The following HAS3 variants were observed in gnomAD, a reference collection of about 807,000 sequenced individuals.
HAS3 encodes the protein HA synthase 3.
In HAS3, 27 loss-of-function variants were observed where a neutral mutation model predicts 50.3. That is an observed-to-expected ratio of 0.54 (90% CI 0.40 to 0.74). HAS3 has a LOEUF of 0.74. Among genes scored for constraint, HAS3 ranks in the 30% least tolerant of loss-of-function variants. HAS3 has a pLI of 0.00. For missense variants in HAS3, 517 were observed against 742.8 expected, an observed-to-expected ratio of 0.70 and a Z score of 3.53; for synonymous variants, 339 against 310.9, an observed-to-expected ratio of 1.09 and a Z score of -0.95.
Position 69,116,027 on chromosome 16 carries a change from C to T in HAS3, c.*761C>T, listed in dbSNP as rs111294047. ...GTGTTCCACCTGGAAACTGCTCAGA[C>T]GTCTAGATGGGTTCTTAGCTTGTCT... On this transcript the variant is annotated 3_prime_UTR_variant, in exon 4 of 4. Coordinates refer to ENST00000569188, the MANE Select transcript of HAS3 (RefSeq NM_001199280.2). 3.0e-5 allele frequency: 30 copies of T among 985,292 alleles called. No homozygotes were observed. Among genetic ancestry groups the T allele is most frequent in the Admixed American group, 6.1e-5 (1 of 16,280 alleles). 61.0% of individuals were successfully genotyped at this position (985,292 alleles called of 1,614,324 possible). A position where few individuals can be genotyped will look rare whatever the true frequency, so the allele number is the denominator to read the frequency against.
rs1344557231 is a variant in HAS3, at chr16:69,116,247, CTCA to C, written c.*989_*991del. The C allele has an allele frequency of 1.0e-6, 1 of 985,510 alleles. No individual in the cohort carries two copies. The highest frequency in any genetic ancestry group is 1.1e-4 in the East Asian group (1 of 8,832). The allele number at this position is 985,510 out of a possible 1,614,324, so 61.0% of individuals were successfully genotyped here. A position where few individuals can be genotyped will look rare whatever the true frequency, so the allele number is the denominator to read the frequency against. The stretch of plus-strand genomic sequence containing the variant: ...TATCACTGCAGTCACCTCTTCTACC[CTCA>C]TCATCATAGGTAAGGTTTTCAAGGT... On this transcript the variant is annotated 3_prime_UTR_variant, in exon 4 of 4. Coordinates refer to ENST00000569188, the MANE Select transcript of HAS3 (RefSeq NM_001199280.2).
At chr16:69,087,527 C>T in the HAS3 span, among the ~76,000 whole-genome samples, 1 of 151,878 alleles carries the variant, frequency 6.6e-6, no homozygotes. Flanking sequence ...TCCCAATCTC[C>T]TCTTCCACGT....
Position 69,117,604 on chromosome 16 carries a change from CAA to C in HAS3, c.*2339_*2340del, listed in dbSNP as rs1961248299. ...TTTTTTTTTTTTTTAATTTTCAGGT[CAA>C]GTTTTTTATACTGCACTTATTTGTC... On this transcript the variant is annotated 3_prime_UTR_variant, in exon 4 of 4. Transcript: ENST00000569188. 2 of 829,516 alleles carry C rather than the reference CAA, an allele frequency of 2.4e-6. No homozygotes were observed. The highest frequency in any genetic ancestry group is 2.9e-6 in the Non-Finnish European group (2 of 693,460). 51.4% of individuals were successfully genotyped at this position (829,516 alleles called of 1,614,324 possible).
At chr16:69,095,335 C>T in the HAS3 span, among the ~76,000 whole-genome samples, 4 of 152,016 alleles carry the variant, frequency 2.6e-5, no homozygotes, top group Non-Finnish European at 5.9e-5. Context: ...AACACCGTGG[C>T]AGGCCTGGTG....
At chr16:69,092,802 C>T in the HAS3 span, among the ~76,000 whole-genome samples, 4 of 152,092 alleles carry the variant, frequency 2.6e-5, no homozygotes, top group Non-Finnish European at 5.9e-5. Flanking sequence ...TGAGGCCAGC[C>T]TGGGCAACAT....
the HAS3 span, among the ~76,000 whole-genome samples, chr16:69,092,143 G>A: frequency 9.9e-5 from 15 of 152,124 alleles, no homozygotes; most frequent in Non-Finnish European, 2.2e-4. Context: ...AGGCACACAC[G>A]AGGCTAATTG....
chr16:69,109,774 CAGG>C lies in HAS3; in HGVS notation c.384_386del (p.Glu128del). 6.2e-7 allele frequency: 1 copy of C among 1,611,898 alleles called. No individual in the cohort carries two copies. The highest frequency in any genetic ancestry group is 8.5e-7 in the Non-Finnish European group (1 of 1,180,008). ...GGTCATGGTGGTGGATGGCAACCGCCAGGAGGACGCCTACATGCTGGACATCTT... is the reference window on the plus strand; with the variant it reads ...GGTCATGGTGGTGGATGGCAACCGCCAGGACGCCTACATGCTGGACATCTT... On this transcript the variant is annotated inframe_deletion, in exon 2 of 4. Transcript: ENST00000569188. This position sits in a 1 kb window ranked among gnomAD's most constrained non-coding sequence, Gnocchi z 5.3.
At chr16:69,110,074 C>T (rs1186503722) in intron 2 of HAS3, 43 bp downstream of exon 2, 1 of 1,536,484 alleles carries the variant, frequency 6.5e-7, no homozygotes, top group South Asian at 1.2e-5. Flanking sequence ...GGGGATAAGT[C>T]TGGACAGCCT....
chr16:69,115,805 T>C lies in HAS3; in HGVS notation c.*539T>C. 1.0e-6 allele frequency: 1 copy of C among 985,968 alleles called. No individual in the cohort carries two copies. Among genetic ancestry groups the C allele is most frequent in the Non-Finnish European group, 1.2e-6 (1 of 830,156 alleles). The allele number at this position is 985,968 out of a possible 1,614,324, so 61.1% of individuals were successfully genotyped here. On this transcript the variant is annotated 3_prime_UTR_variant, in exon 4 of 4. Coordinates refer to ENST00000569188, the MANE Select transcript of HAS3 (RefSeq NM_001199280.2). ...GGCCCAGAAGCCTGATCTTTGGGCA[T>C]CAGAAAACAGGGTCCAGGAATGGTG... is the stretch of plus-strand genomic sequence containing the variant.
Position 69,115,689 on chromosome 16 carries a change from T to G in HAS3, c.*423T>G, listed in dbSNP as rs1159868652. On this transcript the variant is annotated 3_prime_UTR_variant, in exon 4 of 4. Coordinates refer to ENST00000569188, the MANE Select transcript of HAS3 (RefSeq NM_001199280.2). Reference sequence around the variant, plus strand: ...CACAACCAGAGGTGGCAGGAGAATTTCTACTGAGCGAGCTGGGCCGGTTAG... The same window carrying G: ...CACAACCAGAGGTGGCAGGAGAATTGCTACTGAGCGAGCTGGGCCGGTTAG... The G allele has an allele frequency of 1.2e-5, 12 of 992,612 alleles. No homozygotes were observed. The African/African-American group carries it at 2.1e-4, about 17-fold the overall frequency. The allele number at this position is 992,612 out of a possible 1,614,324, so 61.5% of individuals were successfully genotyped here. A position where few individuals can be genotyped will look rare whatever the true frequency, so the allele number is the denominator to read the frequency against.
downstream of HAS3, chr16:69,118,562 G>A (rs1232733755): frequency 2.5e-6 from 2 of 787,914 alleles, no homozygotes; most frequent in African/African-American, 3.4e-5. Flanking sequence ...CAAGAAACTA[G>A]TAAGAAACAA....
chr16:69,087,120 A>T, the HAS3 span, among the ~76,000 whole-genome samples: 1 of 151,388 alleles, frequency 6.6e-6, no homozygotes, highest in Non-Finnish European at 1.5e-5. Context: ...GTCCTCCACC[A>T]CCCAGCAGCC....
At chr16:69,104,494 C>T (rs1960735328), upstream of HAS3, among the ~76,000 whole-genome samples, 1 of 152,082 alleles carries the variant, frequency 6.6e-6, no homozygotes, top group Admixed American at 6.5e-5. Flanking sequence ...GATAGGGTTT[C>T]ACCATATTAG....
intron 1 of HAS3, among the ~76,000 whole-genome samples, chr16:69,108,228 CCA>C (rs1395683109): frequency 6.6e-6 from 1 of 152,092 alleles, no homozygotes; most frequent in Non-Finnish European, 1.5e-5. Flanking sequence ...CTGGAGGAAA[CCA>C]CAGTCACCCT....
the HAS3 span, among the ~76,000 whole-genome samples, chr16:69,087,924 C>G: frequency 1.3e-5 from 2 of 149,252 alleles, no homozygotes; most frequent in African/African-American, 5.0e-5. Flanking sequence ...GGCTGGTCTC[C>G]AACTCCTGAC....
chr16:69,100,816 G>A (rs1291319776), upstream of HAS3, among the ~76,000 whole-genome samples: 1 of 152,208 alleles, frequency 6.6e-6, no homozygotes. Flanking sequence ...CCTCCAACCT[G>A]CTAAAGCTTT....
the HAS3 span, among the ~76,000 whole-genome samples, chr16:69,097,404 G>T: frequency 6.7e-6 from 1 of 148,412 alleles, no homozygotes; most frequent in Admixed American, 6.7e-5. Context: ...CCAAGATCAG[G>T]CCATCGCACT....
In HAS3 at chr16:69,117,176, A is replaced by C; in HGVS notation, c.*1910A>C. ...GCCAAGAAGTTAAACTATTTTGAGC[A>C]TTAGAATGGAGGAAATCCGGTCAGC... is the stretch of plus-strand genomic sequence containing the variant. On this transcript the variant is annotated 3_prime_UTR_variant, in exon 4 of 4. Coordinates refer to ENST00000569188, the MANE Select transcript of HAS3 (RefSeq NM_001199280.2). 1.0e-6 allele frequency: 1 copy of C among 985,906 alleles called. No individual in the cohort carries two copies. The highest frequency in any genetic ancestry group is 1.2e-6 in the Non-Finnish European group (1 of 829,948). The allele number at this position is 985,906 out of a possible 1,614,324, so 61.1% of individuals were successfully genotyped here.
chr16:69,083,799 C>A, the HAS3 span: 1 of 917,968 alleles, frequency 1.1e-6, no homozygotes, highest in Non-Finnish European at 1.6e-6. Context: ...TGGTGCAGGT[C>A]ACTTGGGTCT....
Sources: gnomAD v4.1 joint callset for allele counts (sites outside exome capture counted in the v4.1 genomes callset) on GRCh38, gnomAD v4.1.1 for gene constraint, Gnocchi (gnomAD v3.1) non-coding constraint, MANE v1.5 for transcripts, NCBI Gene and HGNC (gene_info 2026-07-23, HGNC 2026-07-21) for gene names.